Variants in TMEM74 observed in about 807,000 individuals in gnomAD.
TMEM74 encodes the protein transmembrane protein 74.
Under a neutral mutation model 18.1 loss-of-function variants are expected in TMEM74, and 13 were observed. The observed-to-expected ratio is 0.72, with a 90% CI of 0.47 to 1.14. The LOEUF is 1.14. TMEM74 is among the 50% of genes most tolerant of loss of function. The pLI is 0.00. For missense variants in TMEM74, 372 were observed against 375.9 expected, an observed-to-expected ratio of 0.99 and a Z score of 0.09; for synonymous variants, 159 against 146.6, an observed-to-expected ratio of 1.08 and a Z score of -0.61.
intron 2 of TMEM74, among the ~76,000 whole-genome samples, chr8:108,627,374 A>G (rs116658825): frequency 2.4e-3 from 362 of 152,156 alleles, no homozygotes; most frequent in African/African-American, 8.3e-3. Context: ...GGGATTTAGA[A>G]CAATACAGAA....
At position 108,784,208 on chromosome 8, in the gene TMEM74, C is replaced by T. The variant is rs1326038905; in HGVS notation, c.891G>A (p.Glu297=). The change falls in exon 2 of 2, where the codon GAG becomes GAA. Residue 297 remains glutamate (E), a synonymous_variant. Transcript: ENST00000297459. ...NENTLELSLV[E]EDALAVQS ...AACTCTGTACAGCAAGCGCATCTTC[C>T]TCTACCAAGGACAGTTCCAGAGTGT... The T allele has an allele frequency of 6.2e-7, 1 of 1,611,596 alleles. No individual in the cohort carries two copies. Among genetic ancestry groups the T allele is most frequent in the East Asian group, 2.2e-5 (1 of 44,824 alleles).
At chr8:108,632,460 T>C (rs564762625) in intron 2 of TMEM74, among the ~76,000 whole-genome samples, 1 of 152,036 alleles carries the variant, frequency 6.6e-6, no homozygotes, top group Non-Finnish European at 1.5e-5. Flanking sequence ...CATTAGAAAA[T>C]GCAATGATGT....
At chr8:108,760,654 C>T (rs1054907761) in intron 1 of TMEM74, among the ~76,000 whole-genome samples, 3 of 151,908 alleles carry the variant, frequency 2.0e-5, no homozygotes, top group African/African-American at 7.3e-5. Flanking sequence ...TCAAAATTCT[C>T]TCATGTCACT....
Position 108,661,378 on chromosome 8 carries a change from CTTTT to C in TMEM74, n.120-5945_120-5942del, listed in dbSNP as rs760545466. On this transcript the variant is annotated intron_variant and non_coding_transcript_variant, in intron 1 of 3. Coordinates refer to the TMEM74 transcript ENST00000518838. ...TATCTTTTTCCTCTCCCTTGCAGCT[CTTTT>C]TTTTTTTTTTTTTTTTTTTCTATCT... Among the ~76,000 whole-genome samples the C allele has an allele frequency of 6.9e-3, 601 of 86,696 alleles. 2 individuals are homozygous for C. The highest frequency in any genetic ancestry group is 0.023 in the African/African-American group (540 of 23,184). The allele number at this position is 86,696 out of a possible 152,430, so 56.9% of individuals were successfully genotyped here.
intron 1 of TMEM74, among the ~76,000 whole-genome samples, chr8:108,765,471 A>G (rs1156822098): frequency 6.9e-6 from 1 of 144,180 alleles, no homozygotes; most frequent in Non-Finnish European, 1.5e-5. Context: ...CAGTGATGTA[A>G]TCTCAGCTCA....
intron 2 of TMEM74, among the ~76,000 whole-genome samples, chr8:108,645,016 A>G (rs2130565486): frequency 6.6e-6 from 1 of 152,308 alleles, no homozygotes; most frequent in African/African-American, 2.4e-5. Flanking sequence ...TATCCAAAGG[A>G]AAATAAATCA....
intron 1 of TMEM74, 119 bp from the exon 2 acceptor site, chr8:108,785,256 C>A (rs1814370506): frequency 1.4e-6 from 1 of 705,144 alleles, no homozygotes; most frequent in Middle Eastern, 4.1e-4. Flanking sequence ...CCCTTTTCCA[C>A]CTCAAACAGG....
chr8:108,751,841 C>A (rs1813906729), intron 1 of TMEM74, among the ~76,000 whole-genome samples: 1 of 152,034 alleles, frequency 6.6e-6, no homozygotes, highest in African/African-American at 2.4e-5. Flanking sequence ...ATCAGAATTA[C>A]AAGAGGATTT....
intron 1 of TMEM74, among the ~76,000 whole-genome samples, chr8:108,667,367 G>A (rs913176177): frequency 1.3e-5 from 2 of 152,146 alleles, no homozygotes. Context: ...ATATGATAAT[G>A]CATGTGAATT....
intron 2 of TMEM74, among the ~76,000 whole-genome samples, chr8:108,614,380 C>A (rs760114379): frequency 6.6e-6 from 1 of 151,876 alleles, no homozygotes; most frequent in Non-Finnish European, 1.5e-5. Context: ...TATTTTTTAG[C>A]TTAATTTTAA....
At chr8:108,679,530 G>A (rs893071038) in intron 1 of TMEM74, among the ~76,000 whole-genome samples, 1 of 152,102 alleles carries the variant, frequency 6.6e-6, no homozygotes, top group African/African-American at 2.4e-5. Context: ...GTGTCTTTTG[G>A]CTGCATAAAT....
intron 2 of TMEM74, among the ~76,000 whole-genome samples, chr8:108,631,325 G>A (rs1426603057): frequency 1.3e-5 from 2 of 151,936 alleles, no homozygotes; most frequent in African/African-American, 4.8e-5. Context: ...CTCCAAGCCC[G>A]AAAGGGTATT....
At chr8:108,698,696 T>A (rs1430849058) in intron 1 of TMEM74, among the ~76,000 whole-genome samples, 1 of 152,214 alleles carries the variant, frequency 6.6e-6, no homozygotes, top group Admixed American at 6.5e-5. Context: ...GGTTTGAGTG[T>A]TTAACCATTT....
At chr8:108,681,087 C>G (rs1285716876) in intron 1 of TMEM74, among the ~76,000 whole-genome samples, 4 of 152,204 alleles carry the variant, frequency 2.6e-5, no homozygotes, top group Admixed American at 2.0e-4. Flanking sequence ...AATGGCCATA[C>G]TGCCCAAGGT....
In TMEM74 at chr8:108,629,084, T is replaced by C. The variant is rs192204781; in HGVS notation, n.265-20258A>G. ...CAAAAATTTTTTCCCATTCTGTAGA[T>C]TGCCTGTCCATTCTGATGTGCTAAC... is the stretch of plus-strand genomic sequence containing the variant. On this transcript the variant is annotated intron_variant and non_coding_transcript_variant, in intron 2 of 3. Transcript: ENST00000518838. Among the ~76,000 whole-genome samples, 160 of 152,108 alleles carry C rather than the reference T, an allele frequency of 1.1e-3. 3 individuals carry two copies. The East Asian group carries it at 0.025, about 24-fold the overall frequency.
intron 1 of TMEM74, among the ~76,000 whole-genome samples, chr8:108,746,947 A>G (rs1303875646): frequency 6.6e-6 from 1 of 152,032 alleles, no homozygotes; most frequent in African/African-American, 2.4e-5. Flanking sequence ...GTTGTTCCTG[A>G]TTTATATCTT....
intron 1 of TMEM74, among the ~76,000 whole-genome samples, chr8:108,732,672 C>T (rs1266237614): frequency 1.3e-5 from 2 of 150,946 alleles, no homozygotes; most frequent in East Asian, 1.9e-4. Flanking sequence ...ACTGGATATC[C>T]AAAAAAAGGG....
At chr8:108,734,036 T>C (rs1813721053) in intron 1 of TMEM74, among the ~76,000 whole-genome samples, 1 of 152,206 alleles carries the variant, frequency 6.6e-6, no homozygotes, top group South Asian at 2.1e-4. Context: ...TAAAGCATTA[T>C]TTCTGGGTGT....
At chr8:108,743,501 A>G (rs900349813) in intron 1 of TMEM74, among the ~76,000 whole-genome samples, 9 of 152,222 alleles carry the variant, frequency 5.9e-5, no homozygotes, top group East Asian at 3.9e-4. Flanking sequence ...AAATATATGC[A>G]AAGTGTTCTA....
Sources: allele counts gnomAD v4.1 joint callset (sites outside exome capture counted in the v4.1 genomes callset), GRCh38; gene constraint gnomAD v4.1.1; transcripts MANE v1.5; gene names NCBI Gene and HGNC (gene_info 2026-07-23, HGNC 2026-07-21).